Variants in RBM18 observed in about 807,000 individuals in gnomAD.
The protein encoded by RBM18 is probable RNA-binding protein 18.
RBM18 carries 18 observed loss-of-function variants against 26.4 expected under a neutral mutation model. That is an observed-to-expected ratio of 0.68 (90% CI 0.47 to 1.01). RBM18 has a LOEUF of 1.01. Ranked by LOEUF, RBM18 falls within the 50% of genes least tolerant of loss-of-function variation. RBM18 has a pLI of 0.00. For missense variants in RBM18, 180 were observed against 219.2 expected (o/e 0.82, Z 1.13); for synonymous variants, 74 against 81.1 (o/e 0.91, Z 0.47).
chr9:122,247,610 C>A lies in RBM18; in HGVS notation c.241-6G>T. 1 of 1,612,326 alleles carries A rather than the reference C, an allele frequency of 6.2e-7. No homozygotes were observed. Among genetic ancestry groups the A allele is most frequent in the Non-Finnish European group, 8.5e-7 (1 of 1,178,752 alleles). On this transcript the variant is annotated splice_region_variant and splice_polypyrimidine_tract_variant and intron_variant, in intron 3 of 5. Transcript: ENST00000417201. ...TGGATGGCTTGCTCTGCTTCCTGTC[C>A]AGGAAAGGGACAAATGTTAGTTAAA...
At chr9:122,263,548 C>T (rs989267635) in intron 1 of RBM18, among the ~76,000 whole-genome samples, 4 of 152,186 alleles carry the variant, frequency 2.6e-5, no homozygotes, top group African/African-American at 9.7e-5. Context: ...AGGTCCCTAT[C>T]CTCTGGATGC....
rs1052518113 is a variant in RBM18, at chr9:122,238,781, G to A, written c.*3103C>T. ...TTGCTTTGGCTACTGTGTGGAAAAC[G>A]GACCCTAAAGAATCAATAGCAGAGG... is the stretch of plus-strand genomic sequence containing the variant. On this transcript the variant is annotated 3_prime_UTR_variant, in exon 6 of 6. Coordinates refer to ENST00000417201, the MANE Select transcript of RBM18 (RefSeq NM_033117.4). The A allele has an allele frequency of 2.6e-5, 4 of 152,068 alleles. No homozygotes were observed. Among genetic ancestry groups the A allele is most frequent in the East Asian group, 3.8e-4 (2 of 5,198 alleles). 9.4% of individuals were successfully genotyped at this position (152,068 alleles called of 1,614,324 possible).
At chr9:122,257,474 T>C (rs1182281808) in intron 2 of RBM18, among the ~76,000 whole-genome samples, 1 of 151,842 alleles carries the variant, frequency 6.6e-6, no homozygotes, top group Non-Finnish European at 1.5e-5. Context: ...AACCACAGAG[T>C]GAACATAAAC....
chr9:122,258,514 G>A (rs942089369), intron 2 of RBM18, among the ~76,000 whole-genome samples: 39 of 152,220 alleles, frequency 2.6e-4, no homozygotes, highest in Middle Eastern at 6.8e-3. Context: ...TGATTCACCC[G>A]CCTCGGCCTC....
At chr9:122,249,874 C>T (rs982553204) in intron 3 of RBM18, among the ~76,000 whole-genome samples, 1 of 151,676 alleles carries the variant, frequency 6.6e-6, no homozygotes, top group African/African-American at 2.4e-5. Flanking sequence ...AGTTTGAGGC[C>T]AGCCTGGGCA....
chr9:122,242,187 C>A, intron 5 of RBM18, 144 bp from the exon 6 acceptor site: 1 of 778,910 alleles, frequency 1.3e-6, no homozygotes, highest in South Asian at 2.1e-5. Context: ...TATATAAAAG[C>A]CAGAAATAAC....
rs1006052638 is a variant in RBM18 at position 122,238,634 on chromosome 9, A to G, written c.*3250T>C. 1 of 152,270 alleles carries G rather than the reference A, an allele frequency of 6.6e-6. No individual in the cohort carries two copies. The highest frequency in any genetic ancestry group is 6.5e-5 in the Admixed American group (1 of 15,284). The allele number at this position is 152,270 out of a possible 1,614,324, so 9.4% of individuals were successfully genotyped here. ...CCGCACAAGGGGAGAACAGTAGGCT[A>G]TAGGGTCAGACACGTAGTGAAGGAC... On this transcript the variant is annotated 3_prime_UTR_variant, in exon 6 of 6. Transcript: ENST00000417201.
chr9:122,261,410 C>A lies in RBM18; in HGVS notation c.83G>T (p.Trp28Leu), dbSNP rs1158687506. 1.2e-6 allele frequency: 2 copies of A among 1,613,936 alleles called. No individual in the cohort carries two copies. The highest frequency in any genetic ancestry group is 2.7e-5 in the African/African-American group (2 of 74,906). The change falls in exon 2 of 6, where the codon TGG becomes TTG. Residue 28 changes from tryptophan to leucine, a missense_variant. Physicochemically the swap from Trp to Leu is moderately conservative, Grantham distance 61. Around this residue, in one of 3 missense-constraint regions of RBM18, gnomAD observed 49 missense variants for 56.6 expected, o/e 0.87. Transcript: ENST00000417201. ...AATTTTGGGGTCCAGGTTGCCAATC[C>A]ATAATCGGTGTCCTTCCTGCAGAGA... The part of the protein sequence containing the change: ...EGSLQEGHRL[W>L]IGNLDPKITE...
Position 122,261,146 on chromosome 9 carries a change from GA to G in RBM18, c.113+233del, listed in dbSNP as rs568705965. On this transcript the variant is annotated intron_variant, in intron 2 of 5. Transcript: ENST00000417201. The stretch of plus-strand genomic sequence containing the variant: ...ATGGGAGAACGTCTTTGGCAGATAG[GA>G]AAAAAACAGGTATATGGATTAAAGG... 2.0e-4 allele frequency among the ~76,000 whole-genome samples: 31 copies of G among 152,020 alleles called. No homozygotes were observed. The East Asian group carries it at 5.2e-3, about 26-fold the overall frequency.
Position 122,256,919 on chromosome 9 carries a change from A to G in RBM18, c.113+4461T>C, listed in dbSNP as rs1831706426. On this transcript the variant is annotated intron_variant, in intron 2 of 5. Transcript: ENST00000417201. ...GGTAAGAAATTATTACATATAATAT[A>G]GTTGACAGGAATCAGAATATAGTGG... Among the ~76,000 whole-genome samples, 5 of 152,240 alleles carry G rather than the reference A, an allele frequency of 3.3e-5. No individual in the cohort carries two copies. The South Asian group carries it at 1.0e-3, about 31-fold the overall frequency.
chr9:122,258,884 C>A (rs1485723734), intron 2 of RBM18, among the ~76,000 whole-genome samples: 2 of 135,834 alleles, frequency 1.5e-5, no homozygotes, highest in Admixed American at 8.3e-5. Flanking sequence ...TGCCACTGTA[C>A]TCAAGCCTGG....
rs1434847020 is a variant in RBM18, at chr9:122,245,314, T to G, written c.355A>C (p.Ile119Leu). 1 of 1,609,814 alleles carries G rather than the reference T, an allele frequency of 6.2e-7. No individual in the cohort carries two copies. Among genetic ancestry groups the G allele is most frequent in the African/African-American group, 1.3e-5 (1 of 74,844 alleles). The change falls in exon 5 of 6, where the codon ATT (isoleucine) becomes CTT (leucine). Residue 119 changes from isoleucine to leucine, a missense_variant. Around this residue, in one of 3 missense-constraint regions of RBM18, gnomAD observed 103 missense variants for 102.8 expected, o/e 1.00. Coordinates refer to ENST00000417201, the MANE Select transcript of RBM18 (RefSeq NM_033117.4). ...GATGGCTCGAGACTGATTGGAAGAATCTTATCATTCTTGTTATGATCATAT... is the reference window on the plus strand; with the variant it reads ...GATGGCTCGAGACTGATTGGAAGAAGCTTATCATTCTTGTTATGATCATAT... ...KRYDHNKNDK[I>L]LPISLEPSSS...
At position 122,238,004 on chromosome 9, in the gene RBM18, T is replaced by C. The variant is rs1049055283; in HGVS notation, c.*3880A>G. Reference sequence around the variant, plus strand: ...TCTTAACTTGTAGGCTATACAAAATTAGGAGGCAGAGGCCAGTTTGCTGAA... The same window carrying C: ...TCTTAACTTGTAGGCTATACAAAATCAGGAGGCAGAGGCCAGTTTGCTGAA... On this transcript the variant is annotated 3_prime_UTR_variant, in exon 6 of 6. Transcript: ENST00000417201. The C allele has an allele frequency of 6.6e-6, 1 of 152,198 alleles. No homozygotes were observed. The highest frequency in any genetic ancestry group is 1.9e-4 in the East Asian group (1 of 5,198). The allele number at this position is 152,198 out of a possible 1,614,324, so 9.4% of individuals were successfully genotyped here. A position where few individuals can be genotyped will look rare whatever the true frequency, so the allele number is the denominator to read the frequency against.
At chr9:122,243,794 T>A in intron 5 of RBM18, 1 of 985,364 alleles carries the variant, frequency 1.0e-6, no homozygotes, top group East Asian at 1.1e-4. Context: ...GGTCACTGAT[T>A]TTGTATAAGT....
intron 2 of RBM18, among the ~76,000 whole-genome samples, chr9:122,253,746 C>T: frequency 6.6e-6 from 1 of 151,288 alleles, no homozygotes; most frequent in Non-Finnish European, 1.5e-5. Context: ...AAAATCTAGG[C>T]CAGGCGCAGT....
At position 122,241,519 on chromosome 9, in the gene RBM18, T is replaced by C. The variant is rs1404287168; in HGVS notation, c.*365A>G. The C allele has an allele frequency of 6.2e-6, 1 of 161,282 alleles. No homozygotes were observed. The highest frequency in any genetic ancestry group is 1.8e-4 in the East Asian group (1 of 5,614). 10.0% of individuals were successfully genotyped at this position (161,282 alleles called of 1,614,324 possible). The stretch of plus-strand genomic sequence containing the variant: ...CACACGAGCGTAGAAAAATGCTCAA[T>C]TTTTTAATAGATGTTAATATTTTTA... On this transcript the variant is annotated 3_prime_UTR_variant, in exon 6 of 6. Coordinates refer to ENST00000417201, the MANE Select transcript of RBM18 (RefSeq NM_033117.4).
At chr9:122,246,373 A>C (rs1831505821) in intron 4 of RBM18, among the ~76,000 whole-genome samples, 1 of 152,236 alleles carries the variant, frequency 6.6e-6, no homozygotes, top group Admixed American at 6.5e-5. Context: ...GCCTCTGGTC[A>C]AAAAAGATTT....
In RBM18 at chr9:122,239,608, G is replaced by A. The variant is rs1029832286; in HGVS notation, c.*2276C>T. Reference sequence around the variant, plus strand: ...AAAGTACAGACAACCTCCTAACAAAGAGTTGACCAAGTTAACACCTGAAAT... The same window carrying A: ...AAAGTACAGACAACCTCCTAACAAAAAGTTGACCAAGTTAACACCTGAAAT... On this transcript the variant is annotated 3_prime_UTR_variant, in exon 6 of 6. Coordinates refer to ENST00000417201, the MANE Select transcript of RBM18 (RefSeq NM_033117.4). The A allele has an allele frequency of 6.6e-6, 1 of 152,148 alleles. No individual in the cohort carries two copies. The highest frequency in any genetic ancestry group is 2.4e-5 in the African/African-American group (1 of 41,432). 9.4% of individuals were successfully genotyped at this position (152,148 alleles called of 1,614,324 possible). A position where few individuals can be genotyped will look rare whatever the true frequency, so the allele number is the denominator to read the frequency against.
rs1304804782 is a variant in RBM18 at position 122,261,339 on chromosome 9, C to A, written c.113+41G>T. ...TCTTGACATCATCACCACAAAACAT[C>A]CCAATATTGTAGGTAAAAAACTAAG... On this transcript the variant is annotated intron_variant, in intron 2 of 5. Coordinates refer to ENST00000417201, the MANE Select transcript of RBM18 (RefSeq NM_033117.4). 2.9e-6 allele frequency: 4 copies of A among 1,375,886 alleles called. No homozygotes were observed. In the Admixed American group the frequency reaches 5.0e-5, roughly 17 times the overall value. 85.2% of individuals were successfully genotyped at this position (1,375,886 alleles called of 1,614,324 possible). A position where few individuals can be genotyped will look rare whatever the true frequency, so the allele number is the denominator to read the frequency against.
Sources: gnomAD v4.1 joint callset for allele counts (sites outside exome capture counted in the v4.1 genomes callset) on GRCh38, gnomAD v4.1.1 for gene constraint, gnomAD v4.1.1 regional missense constraint, MANE v1.5 for transcripts, NCBI Gene and HGNC (gene_info 2026-07-23, HGNC 2026-07-21) for gene names.